PAN3: variants seen among roughly 807,000 people sequenced by gnomAD.
PAN3 encodes the protein PAN2-PAN3 deadenylation complex subunit PAN3.
A neutral mutation model predicts 96.2 loss-of-function variants in PAN3; 19 were observed. The observed-to-expected ratio is 0.20, with a 90% CI of 0.14 to 0.29. The LOEUF (loss-of-function observed/expected upper bound fraction) is 0.29. Ranked by LOEUF, PAN3 falls within the 10% of genes least tolerant of loss-of-function variation. PAN3 has a pLI of 1.00. For missense variants in PAN3, 882 were observed against 1,108.1 expected (o/e 0.80, Z 2.90); for synonymous variants, 433 against 406.6 (o/e 1.06, Z -0.78).
chr13:28,284,152 CT>C (rs1300485749), intron 17 of PAN3, among the ~76,000 whole-genome samples: 1 of 152,128 alleles, frequency 6.6e-6, no homozygotes, highest in East Asian at 1.9e-4. Flanking sequence ...CACCAAAATA[CT>C]TTTTTCAAAC....
At chr13:28,194,454 ATATATATATATATTTT>A (rs1877736403) in intron 4 of PAN3, among the ~76,000 whole-genome samples, 8 of 100,344 alleles carry the variant, frequency 8.0e-5, no homozygotes, top group Admixed American at 7.3e-4. Flanking sequence ...ATGTATGTAT[ATATATATATATATTTT>A]TTTTTTTTTT....
At chr13:28,289,414 A>G (rs1305141700) in intron 18 of PAN3, among the ~76,000 whole-genome samples, 2 of 151,972 alleles carry the variant, frequency 1.3e-5, no homozygotes, top group African/African-American at 2.4e-5. Flanking sequence ...AATAGCTGGG[A>G]CCACAGGCAC....
At chr13:28,156,632 T>C (rs1475263731) in intron 1 of PAN3, among the ~76,000 whole-genome samples, 1 of 152,158 alleles carries the variant, frequency 6.6e-6, no homozygotes, top group Non-Finnish European at 1.5e-5. Flanking sequence ...GCCAATATCC[T>C]TGATAAACAT....
chr13:28,202,902 A>G (rs1352765566), intron 5 of PAN3, among the ~76,000 whole-genome samples: 1 of 152,102 alleles, frequency 6.6e-6, no homozygotes, highest in Non-Finnish European at 1.5e-5. Flanking sequence ...TTACTTTTGC[A>G]CCAACCCAGT....
intron 4 of PAN3, among the ~76,000 whole-genome samples, chr13:28,184,478 T>C (rs139006077): frequency 1.2e-3 from 177 of 152,188 alleles, no homozygotes; most frequent in African/African-American, 4.2e-3. Flanking sequence ...ACTGGTAATA[T>C]GGAGAGGAGG....
At chr13:28,150,781 G>A (rs1030335752) in intron 1 of PAN3, among the ~76,000 whole-genome samples, 1 of 152,080 alleles carries the variant, frequency 6.6e-6, no homozygotes, top group Admixed American at 6.5e-5. Context: ...CATTTATTGA[G>A]TGTTTACTCT....
chr13:28,266,356 G>GT (rs954227130), intron 9 of PAN3, among the ~76,000 whole-genome samples: 8 of 152,012 alleles, frequency 5.3e-5, no homozygotes, highest in African/African-American at 1.2e-4. Flanking sequence ...AAAAATACAT[G>GT]TTTTTTTATT....
chr13:28,247,134 C>G (rs1884268953), intron 6 of PAN3, among the ~76,000 whole-genome samples: 1 of 152,002 alleles, frequency 6.6e-6, no homozygotes, highest in Non-Finnish European at 1.5e-5. Context: ...AATATGATCT[C>G]ATTGTGGTTT....
intron 6 of PAN3, among the ~76,000 whole-genome samples, chr13:28,252,044 C>T (rs1884776647): frequency 6.6e-6 from 1 of 151,920 alleles, no homozygotes; most frequent in African/African-American, 2.4e-5. Flanking sequence ...CGCACCACCA[C>T]ACCCAGCTAA....
At chr13:28,214,358 A>G (rs1337435219) in intron 5 of PAN3, among the ~76,000 whole-genome samples, 1 of 152,178 alleles carries the variant, frequency 6.6e-6, no homozygotes, top group Non-Finnish European at 1.5e-5. Context: ...ATTATAGTAT[A>G]TTGATAATGT....
chr13:28,239,158 C>T (rs1473386904), intron 6 of PAN3, among the ~76,000 whole-genome samples: 8 of 18,738 alleles, frequency 4.3e-4, no homozygotes, highest in Non-Finnish European at 7.3e-4. Flanking sequence ...CCCCCACCCC[C>T]GCCAACACAC....
intron 1 of PAN3, among the ~76,000 whole-genome samples, chr13:28,147,575 T>C (rs1302456594): frequency 6.6e-6 from 1 of 152,216 alleles, no homozygotes; most frequent in Admixed American, 6.5e-5. Context: ...CAGTATACTG[T>C]ATCAGTTGTT....
At chr13:28,228,329 G>A (rs2138423086) in intron 6 of PAN3, among the ~76,000 whole-genome samples, 1 of 152,082 alleles carries the variant, frequency 6.6e-6, no homozygotes, top group African/African-American at 2.4e-5. Flanking sequence ...TCTAGAGTAG[G>A]GCATGTAGGT....
intron 6 of PAN3, among the ~76,000 whole-genome samples, chr13:28,224,093 G>C (rs966239310): frequency 6.6e-6 from 1 of 151,524 alleles, no homozygotes; most frequent in Non-Finnish European, 1.5e-5. Context: ...GGATGGTCTC[G>C]ATCTCCTGAC....
At position 28,272,019 on chromosome 13, in the gene PAN3, C is replaced by T; in HGVS notation, c.1997C>T (p.Thr666Ile). 6.3e-7 allele frequency: 1 copy of T among 1,592,082 alleles called. No homozygotes were observed. The highest frequency in any genetic ancestry group is 1.1e-5 in the South Asian group (1 of 88,230). ...TGTGTTGGAGTTTTTGATGTTTTAACATTTGATAACAGTCAAAATAATAAT... is the reference window on the plus strand; with the variant it reads ...TGTGTTGGAGTTTTTGATGTTTTAATATTTGATAACAGTCAAAATAATAAT... ...VNCVGVFDVLTFDNSQNNNPL... is the reference protein window; with the variant it reads ...VNCVGVFDVLIFDNSQNNNPL... The change falls in exon 14 of 19, where the codon ACA becomes ATA. Residue 666 changes from threonine (T) to isoleucine (I), a missense_variant. This residue lies in a region of PAN3 where 364 missense variants were observed against 513.6 expected (regional missense o/e 0.71). Coordinates refer to ENST00000380958, the MANE Select transcript of PAN3 (RefSeq NM_175854.8).
Position 28,150,798 on chromosome 13 carries a change from T to C in PAN3, c.430+11711T>C, listed in dbSNP as rs540442018. 1.4e-3 allele frequency among the ~76,000 whole-genome samples: 218 copies of C among 152,346 alleles called. 2 individuals carry two copies. Among genetic ancestry groups the C allele is most frequent in the African/African-American group, 5.1e-3 (211 of 41,582 alleles). ...TTTATTGAGTGTTTACTCTGTTAGG[T>C]ACTGTTTTAGGTTCTTAGGATATCT... On this transcript the variant is annotated intron_variant, in intron 1 of 18. Transcript: ENST00000380958.
intron 1 of PAN3, among the ~76,000 whole-genome samples, chr13:28,148,698 C>G (rs906536086): frequency 6.6e-6 from 1 of 152,128 alleles, no homozygotes; most frequent in African/African-American, 2.4e-5. Context: ...GTTTATATTT[C>G]TCTATGTCTA....
chr13:28,188,825 C>T (rs1462328920), intron 4 of PAN3, among the ~76,000 whole-genome samples: 2 of 152,106 alleles, frequency 1.3e-5, no homozygotes, highest in African/African-American at 4.8e-5. Context: ...TGCTGTTTTG[C>T]AATTACCAAA....
Position 28,139,058 on chromosome 13 carries a change from G to C in PAN3, c.401G>C (p.Ser134Thr). The C allele has an allele frequency of 7.8e-7, 1 of 1,277,890 alleles. No homozygotes were observed. The highest frequency in any genetic ancestry group is 9.9e-7 in the Non-Finnish European group (1 of 1,013,462). 79.2% of individuals were successfully genotyped at this position (1,277,890 alleles called of 1,614,324 possible). The change falls in exon 1 of 19, where the codon AGC becomes ACC. Residue 134 changes from serine (S) to threonine (T), a missense_variant. This residue lies in a region of PAN3 where 442 missense variants were observed against 422.8 expected (regional missense o/e 1.05). Coordinates refer to ENST00000380958, the MANE Select transcript of PAN3 (RefSeq NM_175854.8). ...GCCGCAGCCGGCGGAGGAGGCAGTA[G>C]CGGGGGACTCGATGGACCGCGGCTG... is the stretch of plus-strand genomic sequence containing the variant. ...TGAAAGGGGS[S>T]GGLDGPRLAI...
Sources: gnomAD v4.1 joint callset for allele counts (sites outside exome capture counted in the v4.1 genomes callset) on GRCh38, gnomAD v4.1.1 for gene constraint, gnomAD v4.1.1 regional missense constraint, MANE v1.5 for transcripts, NCBI Gene and HGNC (gene_info 2026-07-23, HGNC 2026-07-21) for gene names.